DBF4B: variants seen among roughly 807,000 people sequenced by gnomAD.
The protein encoded by DBF4B is DBF4B-CDC7 kinase regulatory subunit.
In DBF4B, 49 loss-of-function variants were observed where a neutral mutation model predicts 53.4. The observed-to-expected ratio is 0.92, with a 90% confidence interval of 0.73 to 1.16. The LOEUF is 1.16. DBF4B is among the 50% of genes most tolerant of loss of function. The pLI is 0.00. For synonymous variants in DBF4B, 257 were observed against 288.7 expected (o/e 0.89, Z 1.11); for missense variants, 692 against 775.0 (o/e 0.89, Z 1.27).
At chr17:44,710,015 T>C (rs1339520818) in intron 2 of DBF4B, among the ~76,000 whole-genome samples, 1 of 151,564 alleles carries the variant, frequency 6.6e-6, no homozygotes, top group Non-Finnish European at 1.5e-5. Flanking sequence ...CTACTAAAAA[T>C]ACAAAAAATT....
intron 1 of DBF4B, 96 bp from the exon 2 acceptor site, chr17:44,709,208 T>G: frequency 6.6e-7 from 1 of 1,510,142 alleles, no homozygotes; most frequent in Non-Finnish European, 9.2e-7. Context: ...AGGAGTCGCG[T>G]TTCTGTGCGC....
intron 9 of DBF4B, among the ~76,000 whole-genome samples, chr17:44,740,757 G>A (rs574840870): frequency 6.6e-6 from 1 of 152,296 alleles, no homozygotes; most frequent in African/African-American, 2.4e-5. Flanking sequence ...GAACCTCTTG[G>A]GCTTCATTTC....
At chr17:44,750,453 C>G in intron 13 of DBF4B, 142 bp from the exon 14 acceptor site, 1 of 1,443,698 alleles carries the variant, frequency 6.9e-7, no homozygotes, top group Non-Finnish European at 9.1e-7. Flanking sequence ...TGTGTACAGC[C>G]CACCTTAGAG....
Position 44,738,377 on chromosome 17 carries a change from A to G in DBF4B, c.668-2A>G. The G allele has an allele frequency of 6.2e-7, 1 of 1,613,466 alleles. No homozygotes were observed. Among genetic ancestry groups the G allele is most frequent in the Non-Finnish European group, 8.5e-7 (1 of 1,179,556 alleles). On this transcript the variant is annotated splice_acceptor_variant, in intron 8 of 13. Coordinates refer to ENST00000315005, the MANE Select transcript of DBF4B (RefSeq NM_145663.3). LOFTEE classifies it high-confidence loss of function. ...CTGATGTGTGCATTCTTCCCCTTTCAGTGGCCAGACTGAAGGCCCCGTTCC... is the reference window on the plus strand; with the variant it reads ...CTGATGTGTGCATTCTTCCCCTTTCGGTGGCCAGACTGAAGGCCCCGTTCC...
Position 44,723,050 on chromosome 17 carries a change from G to A in DBF4B, c.225+28G>A, listed in dbSNP as rs771062835. 3.7e-6 allele frequency: 6 copies of A among 1,612,528 alleles called. 1 individual carries two copies. The South Asian group carries it at 5.5e-5, about 15-fold the overall frequency. ...AGGTAACCTGCTCTTCTCCTGCGAT[G>A]CCATGTGCCTTTGCAGGCTTAGAGC... On this transcript the variant is annotated intron_variant, in intron 3 of 13. Coordinates refer to ENST00000315005, the MANE Select transcript of DBF4B (RefSeq NM_145663.3).
At position 44,751,306 on chromosome 17, in the gene DBF4B, A is replaced by G. The variant is rs937728137; in HGVS notation, c.*53A>G. The G allele has an allele frequency of 6.4e-7, 1 of 1,567,334 alleles. No individual in the cohort carries two copies. Among genetic ancestry groups the G allele is most frequent in the Middle Eastern group, 1.7e-4 (1 of 5,810 alleles). ...ACCCAGGATGGATGGGTGCTGCTTG[A>G]TGTGAATGAGGTCCCGCAGTGGCTC... On this transcript the variant is annotated 3_prime_UTR_variant, in exon 14 of 14. Transcript: ENST00000315005.
chr17:44,737,277 G>A (rs189485094), intron 8 of DBF4B, among the ~76,000 whole-genome samples: 4 of 152,282 alleles, frequency 2.6e-5, no homozygotes, highest in South Asian at 2.1e-4. Flanking sequence ...GATGGACTCC[G>A]TCTCCTGGTT....
At chr17:44,720,709 G>C (rs1255534701) in intron 2 of DBF4B, 1 of 152,400 alleles carries the variant, frequency 6.6e-6, no homozygotes, top group African/African-American at 2.4e-5. Flanking sequence ...ATATACCTAG[G>C]AGTAAAATTG....
At chr17:44,711,478 C>T (rs1229219508) in intron 2 of DBF4B, among the ~76,000 whole-genome samples, 2 of 151,974 alleles carry the variant, frequency 1.3e-5, no homozygotes, top group African/African-American at 4.8e-5. Context: ...TCTTCAGGTG[C>T]ATGTCTCCAC....
chr17:44,724,098 G>T (rs183855990), intron 3 of DBF4B, among the ~76,000 whole-genome samples: 178 of 152,166 alleles, frequency 1.2e-3, no homozygotes, highest in African/African-American at 4.3e-3. Context: ...AACAGAGTGA[G>T]ACCTTGTCTC....
Position 44,723,029 on chromosome 17 carries a change from A to G in DBF4B, c.225+7A>G, listed in dbSNP as rs374831317. On this transcript the variant is annotated splice_region_variant and intron_variant, in intron 3 of 13. Coordinates refer to ENST00000315005, the MANE Select transcript of DBF4B (RefSeq NM_145663.3). The stretch of plus-strand genomic sequence containing the variant: ...CATTCAGCAACTGGGTGGGGTAGGT[A>G]ACCTGCTCTTCTCCTGCGATGCCAT... 1.2e-6 allele frequency: 2 copies of G among 1,613,864 alleles called. No individual in the cohort carries two copies. Among genetic ancestry groups the G allele is most frequent in the African/African-American group, 2.7e-5 (2 of 75,058 alleles).
chr17:44,751,433 A>T lies in DBF4B; in HGVS notation c.*180A>T. 7.0e-7 allele frequency: 1 copy of T among 1,425,226 alleles called. No homozygotes were observed. The highest frequency in any genetic ancestry group is 9.1e-7 in the Non-Finnish European group (1 of 1,095,536). 88.3% of individuals were successfully genotyped at this position (1,425,226 alleles called of 1,614,324 possible). On this transcript the variant is annotated 3_prime_UTR_variant, in exon 14 of 14. Coordinates refer to ENST00000315005, the MANE Select transcript of DBF4B (RefSeq NM_145663.3). ...CCCAGTGGGCATTGCCTTATCTTGCAGTCAGTCCCTTTTCAACATGTTGCC... is the reference window on the plus strand; with the variant it reads ...CCCAGTGGGCATTGCCTTATCTTGCTGTCAGTCCCTTTTCAACATGTTGCC...
intron 2 of DBF4B, among the ~76,000 whole-genome samples, chr17:44,712,336 ACT>A (rs560542515): frequency 0.013 from 1,398 of 107,770 alleles, 22 homozygotes; most frequent in African/African-American, 0.046. Context: ...AGACGGTCTC[ACT>A]CTCATCAGGC....
chr17:44,746,367 T>C (rs576355195), intron 10 of DBF4B, among the ~76,000 whole-genome samples: 9 of 151,680 alleles, frequency 5.9e-5, no homozygotes, highest in African/African-American at 2.2e-4. Flanking sequence ...ACATTCAGGG[T>C]GGAAAAGAAG....
rs1034212581 is a variant in DBF4B, at chr17:44,748,863, C to T, written c.1189+398C>T. 5 of 1,290,846 alleles carry T rather than the reference C, an allele frequency of 3.9e-6. No homozygotes were observed. In the African/African-American group the frequency reaches 7.6e-5, roughly 20 times the overall value. The allele number at this position is 1,290,846 out of a possible 1,614,324, so 80.0% of individuals were successfully genotyped here. A position where few individuals can be genotyped will look rare whatever the true frequency, so the allele number is the denominator to read the frequency against. On this transcript the variant is annotated intron_variant, in intron 13 of 13. Transcript: ENST00000315005. ...CCCTTACAGGCCATGAGTCCAGGCT[C>T]CTCGCCTCCCTCCAGCCCTTGTGCC... is the stretch of plus-strand genomic sequence containing the variant.
chr17:44,733,372 CCTT>C (rs1438603252), intron 6 of DBF4B, among the ~76,000 whole-genome samples: 7 of 152,258 alleles, frequency 4.6e-5, no homozygotes, highest in Admixed American at 2.6e-4. Context: ...ATTTTGTGCT[CCTT>C]CTTTTTTCAC....
Position 44,750,801 on chromosome 17 carries a change from G to T in DBF4B, c.1396G>T (p.Glu466Ter). Residue 466 changes from glutamate to a stop codon, truncating the protein, a stop_gained, in exon 14 of 14, where the codon GAG becomes TAG. Transcript: ENST00000315005. LOFTEE classifies it low-confidence loss of function (END_TRUNC). The stretch of plus-strand genomic sequence containing the variant: ...CACTTCCTTGGCTCTGCTGCCTGGG[G>T]AGTGGTCGCCTGCAGAGGACATGCC... ...LVTSLALLPG[E>*]WSPAEDMPLH... 6.2e-7 allele frequency: 1 copy of T among 1,614,212 alleles called. No homozygotes were observed. The highest frequency in any genetic ancestry group is 1.1e-5 in the South Asian group (1 of 91,090).
At chr17:44,729,584 G>A (rs540326262) in intron 3 of DBF4B, among the ~76,000 whole-genome samples, 3 of 151,758 alleles carry the variant, frequency 2.0e-5, no homozygotes, top group African/African-American at 7.3e-5. Context: ...GTGTGTTCTT[G>A]CTGCATGCAA....
chr17:44,736,182 C>T (rs1385230049), intron 7 of DBF4B, among the ~76,000 whole-genome samples: 1 of 150,042 alleles, frequency 6.7e-6, no homozygotes, highest in Non-Finnish European at 1.5e-5. Context: ...TAGGGTCTTA[C>T]TATGCTGCCC....
Sources: allele counts gnomAD v4.1 joint callset (sites outside exome capture counted in the v4.1 genomes callset), GRCh38; gene constraint gnomAD v4.1.1; transcripts MANE v1.5; gene names NCBI Gene and HGNC (gene_info 2026-07-23, HGNC 2026-07-21).